The following MAP3K15 variants were observed in gnomAD, a reference collection of about 807,000 sequenced individuals.
The protein encoded by MAP3K15 is MAPK/ERK kinase kinase 15.
In MAP3K15, 124 loss-of-function variants were observed where a neutral mutation model predicts 99.5. That is an observed-to-expected ratio of 1.25 (90% CI 1.08 to 1.45). The LOEUF is 1.45. MAP3K15 is among the 40% of genes most tolerant of loss of function. The pLI is 0.00. For synonymous variants in MAP3K15, 494 were observed against 439.6 expected, an observed-to-expected ratio of 1.12 and a Z score of -1.55; for missense variants, 1,242 against 1,079.7, an observed-to-expected ratio of 1.15 and a Z score of -2.11.
At chrX:19,391,603 A>T (rs1411141491) in intron 18 of MAP3K15, among the ~76,000 whole-genome samples, 1 of 92,220 alleles carries the variant, frequency 1.1e-5, no homozygotes, top group Non-Finnish European at 2.1e-5. Flanking sequence ...TGAACCCAGG[A>T]GGTGGAGGTA....
At chrX:19,362,991 G>A (rs1399841504) in intron 25 of MAP3K15, 141 bp from the exon 26 acceptor site, 4 of 379,626 alleles carry the variant, frequency 1.1e-5, no homozygotes, top group Non-Finnish European at 1.8e-5. Flanking sequence ...GCCTAGAGAG[G>A]GAAGCACATG....
chrX:19,426,121 C>CA, intron 8 of MAP3K15, 110 bp downstream of exon 8: 1 of 434,293 alleles, frequency 2.3e-6, no homozygotes, highest in East Asian at 4.8e-5. Flanking sequence ...GACTCTGTCT[C>CA]AAAAAAAGAA....
Position 19,431,940 on chromosome X carries a change from CTT to C in MAP3K15, c.996-334_996-333del, listed in dbSNP as rs773036480. On this transcript the variant is annotated intron_variant, in intron 6 of 28. Coordinates refer to ENST00000338883, the MANE Select transcript of MAP3K15 (RefSeq NM_001001671.4). Reference sequence around the variant, plus strand: ...GTCTGGGCGACAGAGTGAGACCCTGCTTTTTTTTTTTTTTTTTTTTTTAAAAA... The same window carrying C: ...GTCTGGGCGACAGAGTGAGACCCTGCTTTTTTTTTTTTTTTTTTTTAAAAA... Among the ~76,000 whole-genome samples, 358 of 81,005 alleles carry C rather than the reference CTT, an allele frequency of 4.4e-3. 3 individuals are homozygous for C. Among genetic ancestry groups the C allele is most frequent in the African/African-American group, 0.014 (301 of 21,737 alleles). The allele number at this position is 81,005 out of a possible 115,157, so 70.3% of individuals were successfully genotyped here. A position where few individuals can be genotyped will look rare whatever the true frequency, so the allele number is the denominator to read the frequency against.
At chrX:19,425,391 G>T in intron 9 of MAP3K15, 140 bp downstream of exon 9, 1 of 520,153 alleles carries the variant, frequency 1.9e-6, no homozygotes, top group Non-Finnish European at 2.9e-6. Flanking sequence ...AAAAGCAAGG[G>T]AATTCTCAGA....
intron 1 of MAP3K15, among the ~76,000 whole-genome samples, chrX:19,491,679 G>T (rs985431495): frequency 9.1e-6 from 1 of 110,274 alleles, no homozygotes; most frequent in Admixed American, 9.7e-5. Flanking sequence ...CTATGGTTGG[G>T]TTTTTTAACT....
intron 1 of MAP3K15, among the ~76,000 whole-genome samples, chrX:19,504,676 A>G (rs1173091665): frequency 1.8e-5 from 2 of 112,120 alleles, no homozygotes; most frequent in Non-Finnish European, 3.8e-5. Flanking sequence ...GGAAAAAGTT[A>G]CCTAAGGCTG....
intron 9 of MAP3K15, 126 bp from the exon 10 acceptor site, chrX:19,415,383 A>G (rs1320235123): frequency 6.8e-6 from 4 of 588,104 alleles, no homozygotes; most frequent in Non-Finnish European, 9.7e-6. Context: ...TGAGTGCTTC[A>G]TAAACGACTG....
chrX:19,379,393 T>C (rs1197096134), intron 19 of MAP3K15, among the ~76,000 whole-genome samples: 1 of 105,370 alleles, frequency 9.5e-6, no homozygotes, highest in Non-Finnish European at 1.9e-5. Context: ...GTGGCTTCAC[T>C]CCAAAACTAC....
At chrX:19,381,433 G>C (rs1484028542) in intron 18 of MAP3K15, among the ~76,000 whole-genome samples, 1 of 112,293 alleles carries the variant, frequency 8.9e-6, no homozygotes, top group Non-Finnish European at 1.9e-5. Context: ...CTGGGTTCTA[G>C]CACCCCTGCC....
chrX:19,374,787 A>C, intron 19 of MAP3K15, 127 bp from the exon 20 acceptor site: 1 of 570,559 alleles, frequency 1.8e-6, no homozygotes, highest in East Asian at 3.6e-5. Context: ...CCCCCTTGCA[A>C]CGTCACGTTC....
intron 9 of MAP3K15, among the ~76,000 whole-genome samples, chrX:19,417,297 A>G (rs992452778): frequency 3.6e-5 from 4 of 112,438 alleles, no homozygotes; most frequent in African/African-American, 9.7e-5. Flanking sequence ...TTTCCTAGTC[A>G]AAGCAAGGGG....
chrX:19,437,478 A>G (rs1029731566), intron 6 of MAP3K15, among the ~76,000 whole-genome samples: 3 of 111,366 alleles, frequency 2.7e-5, no homozygotes, highest in African/African-American at 9.8e-5. Flanking sequence ...TTGCTGTTCC[A>G]CATGCTGATC....
At chrX:19,424,812 A>ATT (rs34164536) in intron 9 of MAP3K15, among the ~76,000 whole-genome samples, 2 of 95,283 alleles carry the variant, frequency 2.1e-5, no homozygotes. Context: ...ATGCCTGGCT[A>ATT]TTTTTTTTTT....
At chrX:19,439,764 C>T (rs1017717423) in intron 6 of MAP3K15, among the ~76,000 whole-genome samples, 6 of 112,180 alleles carry the variant, frequency 5.3e-5, no homozygotes, top group African/African-American at 1.9e-4. Flanking sequence ...TCACAGTGCC[C>T]GGCCTATGGT....
intron 3 of MAP3K15, among the ~76,000 whole-genome samples, chrX:19,485,791 G>A (rs779269881): frequency 9.0e-6 from 1 of 111,161 alleles, no homozygotes; most frequent in South Asian, 3.8e-4. Flanking sequence ...TCTAGGTCAC[G>A]GTTTCTCAAA....
intron 1 of MAP3K15, among the ~76,000 whole-genome samples, chrX:19,512,812 G>T (rs1047551913): frequency 9.0e-6 from 1 of 111,228 alleles, no homozygotes; most frequent in Non-Finnish European, 1.9e-5. Flanking sequence ...CATTTTTACC[G>T]TATTCTAATC....
At chrX:19,400,520 T>G in intron 14 of MAP3K15, 56 bp downstream of exon 14, 1 of 893,378 alleles carries the variant, frequency 1.1e-6, no homozygotes, top group Non-Finnish European at 1.6e-6. Context: ...GACATTTTCT[T>G]GAAGCATCGA....
intron 6 of MAP3K15, among the ~76,000 whole-genome samples, chrX:19,442,546 CAG>C (rs1455393376): frequency 1.0e-5 from 1 of 99,553 alleles, no homozygotes; most frequent in East Asian, 3.1e-4. Context: ...TTTTTTGAGG[CAG>C]AGTCTCACTC....
intron 9 of MAP3K15, among the ~76,000 whole-genome samples, chrX:19,424,642 T>C (rs1254531714): frequency 9.1e-6 from 1 of 110,231 alleles, no homozygotes; most frequent in Non-Finnish European, 1.9e-5. Flanking sequence ...GTTTTCTTTC[T>C]TTATTTTACC....
Sources: allele counts gnomAD v4.1 joint callset (sites outside exome capture counted in the v4.1 genomes callset), GRCh38; gene constraint gnomAD v4.1.1; transcripts MANE v1.5; gene names NCBI Gene and HGNC (gene_info 2026-07-23, HGNC 2026-07-21).